The following DISP1 variants were observed in gnomAD, a reference collection of about 807,000 sequenced individuals.
DISP1 encodes protein dispatched homolog 1.
Under a neutral mutation model 37.3 loss-of-function variants are expected in DISP1, and 30 were observed. The observed-to-expected ratio is 0.80, with a 90% CI of 0.60 to 1.09. The LOEUF (loss-of-function observed/expected upper bound fraction) is 1.09. DISP1 is among the 50% of genes least tolerant of loss of function. The pLI is 0.00. For synonymous variants in DISP1, 634 were observed against 690.2 expected, an observed-to-expected ratio of 0.92 and a Z score of 1.28; for missense variants, 1,598 against 1,879.5, an observed-to-expected ratio of 0.85 and a Z score of 2.77.
intron 1 of DISP1, among the ~76,000 whole-genome samples, chr1:222,818,853 C>T (rs774084678): frequency 6.6e-6 from 1 of 152,220 alleles, no homozygotes; most frequent in East Asian, 1.9e-4. Flanking sequence ...TATAACCTAA[C>T]CATGTTGACA....
At chr1:222,958,330 A>G (rs1038645699) in intron 3 of DISP1, among the ~76,000 whole-genome samples, 3 of 152,356 alleles carry the variant, frequency 2.0e-5, no homozygotes, top group Middle Eastern at 3.4e-3. Context: ...TAGCCATTGA[A>G]TGCTTAAATG....
intron 2 of DISP1, among the ~76,000 whole-genome samples, chr1:222,936,777 TCA>T (rs1491328695): frequency 2.1e-4 from 16 of 76,072 alleles, no homozygotes; most frequent in African/African-American, 7.3e-4. Flanking sequence ...ATTATATATA[TCA>T]TATATAATAT....
chr1:222,967,019 G>A (rs1032040130), intron 3 of DISP1, among the ~76,000 whole-genome samples: 1 of 151,980 alleles, frequency 6.6e-6, no homozygotes, highest in African/African-American at 2.4e-5. Context: ...TTTCCCTTCA[G>A]GTCTGCTCTT....
rs1679836118 is a variant in DISP1 at position 223,005,478 on chromosome 1, C to T, written c.4081C>T (p.Gln1361Ter). 1 of 1,613,774 alleles carries T rather than the reference C, an allele frequency of 6.2e-7. No individual in the cohort carries two copies. The highest frequency in any genetic ancestry group is 8.5e-7 in the Non-Finnish European group (1 of 1,180,030). Residue 1361 changes from glutamine (Q) to a stop codon, truncating the protein, a stop_gained, in exon 9 of 9, where the codon CAG becomes TAG. Coordinates refer to ENST00000675850, the MANE Select transcript of DISP1 (RefSeq NM_001377229.1). LOFTEE classifies it low-confidence loss of function (END_TRUNC). ...LPRNFFLHPV[Q>*]HIQAQEKIGK... ...TAGGAATTTTTTCCTCCACCCAGTG[C>T]AGCACATTCAGGCCCAAGAAAAAAT...
chr1:222,971,416 T>TC (rs969637328), intron 3 of DISP1, among the ~76,000 whole-genome samples: 10 of 151,790 alleles, frequency 6.6e-5, no homozygotes, highest in African/African-American at 2.4e-4. Context: ...CCAAGTTTTT[T>TC]TTTTTCATAG....
At chr1:222,865,373 G>A (rs78511729) in intron 1 of DISP1, among the ~76,000 whole-genome samples, 1,741 of 152,150 alleles carry the variant, frequency 0.011, 33 homozygotes, top group African/African-American at 0.04. Flanking sequence ...TAAAGAAAAT[G>A]TTCTCCAAGA....
intron 1 of DISP1, among the ~76,000 whole-genome samples, chr1:222,910,227 G>A (rs1243497486): frequency 1.3e-5 from 2 of 152,090 alleles, no homozygotes; most frequent in South Asian, 2.1e-4. Flanking sequence ...AGCAGATATG[G>A]TGGTGTGTAC....
chr1:222,847,346 G>T (rs138769719), intron 1 of DISP1, among the ~76,000 whole-genome samples: 58 of 152,226 alleles, frequency 3.8e-4, no homozygotes, highest in Admixed American at 1.8e-3. Context: ...GTTATTTTTA[G>T]TGGAGAATGG....
chr1:222,945,807 A>G (rs1049853352), intron 3 of DISP1: 1 of 152,222 alleles, frequency 6.6e-6, no homozygotes, highest in African/African-American at 2.4e-5. Flanking sequence ...TGTTATCTAA[A>G]GAGAAAGAAT....
intron 1 of DISP1, among the ~76,000 whole-genome samples, chr1:222,923,286 T>G (rs1340604451): frequency 6.6e-6 from 1 of 152,210 alleles, no homozygotes. Flanking sequence ...GATGACAATA[T>G]TCTCTATTTG....
At chr1:222,998,230 T>C (rs1679207337) in intron 8 of DISP1, among the ~76,000 whole-genome samples, 1 of 151,624 alleles carries the variant, frequency 6.6e-6, no homozygotes, top group African/African-American at 2.4e-5. Flanking sequence ...TTGGCAGTTG[T>C]TCCTCTCCCC....
At chr1:222,915,235 G>A (rs1036695354) in intron 1 of DISP1, among the ~76,000 whole-genome samples, 1 of 152,086 alleles carries the variant, frequency 6.6e-6, no homozygotes, top group African/African-American at 2.4e-5. Flanking sequence ...GCAAGATTAG[G>A]GATTATTTTA....
At chr1:222,855,098 T>A (rs1334924579) in intron 1 of DISP1, among the ~76,000 whole-genome samples, 1 of 152,186 alleles carries the variant, frequency 6.6e-6, no homozygotes, top group African/African-American at 2.4e-5. Flanking sequence ...ACTTTGAATA[T>A]AATAAATTAG....
chr1:222,897,947 AG>A (rs1671361707), intron 1 of DISP1, among the ~76,000 whole-genome samples: 1 of 152,202 alleles, frequency 6.6e-6, no homozygotes, highest in African/African-American at 2.4e-5. Context: ...GGAATATTTA[AG>A]TCTTATGTCT....
chr1:222,984,485 A>G (rs1678122033), intron 4 of DISP1, among the ~76,000 whole-genome samples: 1 of 146,652 alleles, frequency 6.8e-6, no homozygotes, highest in Non-Finnish European at 1.5e-5. Flanking sequence ...TATATATAAC[A>G]TAGGTTTATA....
At chr1:222,999,383 A>G (rs1410800459) in intron 8 of DISP1, among the ~76,000 whole-genome samples, 5 of 152,172 alleles carry the variant, frequency 3.3e-5, no homozygotes, top group Non-Finnish European at 7.4e-5. Flanking sequence ...TATGGCAAAA[A>G]CATATCTGTG....
intron 1 of DISP1, among the ~76,000 whole-genome samples, chr1:222,846,599 T>C (rs1374927631): frequency 1.3e-5 from 2 of 152,116 alleles, no homozygotes; most frequent in Non-Finnish European, 2.9e-5. Flanking sequence ...TCTGATGACA[T>C]TTTAGAGACA....
intron 2 of DISP1, among the ~76,000 whole-genome samples, chr1:222,938,231 T>G (rs1056114029): frequency 2.0e-5 from 3 of 152,132 alleles, no homozygotes; most frequent in Non-Finnish European, 4.4e-5. Context: ...GATTTTAAAC[T>G]TTCACTATAA....
intron 3 of DISP1, among the ~76,000 whole-genome samples, chr1:222,955,093 C>CTTTTT (rs4011733): frequency 6.9e-6 from 1 of 144,348 alleles, no homozygotes. Flanking sequence ...CATTTTAAAG[C>CTTTTT]TTTTTTTTTT....
Sources: allele counts gnomAD v4.1 joint callset (sites outside exome capture counted in the v4.1 genomes callset), GRCh38; gene constraint gnomAD v4.1.1; transcripts MANE v1.5; gene names NCBI Gene and HGNC (gene_info 2026-07-23, HGNC 2026-07-21).